Variants in KCNH1 observed in about 807,000 individuals in gnomAD.
The protein encoded by KCNH1 is potassium voltage-gated channel subfamily H member 1.
Under a neutral mutation model 69.2 loss-of-function variants are expected in KCNH1, and 27 were observed. The ratio of observed to expected loss-of-function variants is 0.39; its 90% confidence interval spans 0.29 to 0.54. The LOEUF (loss-of-function observed/expected upper bound fraction) is 0.54. Among genes scored for constraint, KCNH1 ranks in the 20% least tolerant of loss-of-function variants. The pLI is 0.68. For synonymous variants in KCNH1, 456 were observed against 487.7 expected (o/e 0.93, Z 0.86); for missense variants, 798 against 1,261.6 (o/e 0.63, Z 5.57).
At chr1:210,837,413 TC>T (rs1685306525) in intron 7 of KCNH1, among the ~76,000 whole-genome samples, 1 of 152,318 alleles carries the variant, frequency 6.6e-6, no homozygotes, top group East Asian at 1.9e-4. Flanking sequence ...ACGTTCATTA[TC>T]TTTGTTATCA....
intron 1 of KCNH1, among the ~76,000 whole-genome samples, chr1:211,115,520 G>C (rs1213220835): frequency 6.6e-6 from 1 of 151,702 alleles, no homozygotes; most frequent in East Asian, 1.9e-4. Flanking sequence ...ACGTAAAAAG[G>C]CAAGACTGCT....
chr1:210,933,235 T>TTGGAAAA lies in KCNH1; in HGVS notation c.1033-13167_1033-13166insTTTTCCA, dbSNP rs545410881. 4.0e-4 allele frequency among the ~76,000 whole-genome samples: 60 copies of TTGGAAAA among 151,824 alleles called. 2 individuals carry two copies. The East Asian group carries it at 0.01, about 26-fold the overall frequency. The stretch of plus-strand genomic sequence containing the variant: ...GTAGGGACATGGATGAAATTGGAAA[T>TTGGAAAA]CATCATTCTCAGTAAACTATCGCAA... On this transcript the variant is annotated intron_variant, in intron 6 of 10. Transcript: ENST00000271751.
At chr1:210,925,464 C>A (rs1052715012) in intron 6 of KCNH1, among the ~76,000 whole-genome samples, 2 of 152,230 alleles carry the variant, frequency 1.3e-5, no homozygotes, top group South Asian at 2.1e-4. Flanking sequence ...GGGAGGCTCA[C>A]GGCCTCAGGC....
intron 5 of KCNH1, among the ~76,000 whole-genome samples, chr1:211,070,815 C>T (rs1690628898): frequency 7.4e-6 from 1 of 134,406 alleles, no homozygotes; most frequent in Non-Finnish European, 1.6e-5. Flanking sequence ...GAGCGAGACT[C>T]CATCTCAAAA....
intron 7 of KCNH1, chr1:210,859,701 C>A (rs775608950): frequency 8.1e-7 from 1 of 1,237,048 alleles, no homozygotes; most frequent in South Asian, 1.2e-5. Flanking sequence ...TAAAAGCTGG[C>A]AAAATCTGTC....
At chr1:210,694,953 C>G (rs1048240462) in intron 10 of KCNH1, among the ~76,000 whole-genome samples, 1 of 152,220 alleles carries the variant, frequency 6.6e-6, no homozygotes, top group Admixed American at 6.5e-5. Context: ...ATCTGGGAAA[C>G]AGCTGTATTT....
chr1:210,832,907 C>CATACATATATATAT (rs1553349178), intron 7 of KCNH1, among the ~76,000 whole-genome samples: 2 of 110,638 alleles, frequency 1.8e-5, no homozygotes, highest in African/African-American at 5.6e-5. Flanking sequence ...TTCTCAAATA[C>CATACATATATATAT]ATATATATAT....
intron 9 of KCNH1, among the ~76,000 whole-genome samples, chr1:210,790,610 A>C (rs1330065712): frequency 6.6e-6 from 1 of 152,246 alleles, no homozygotes; most frequent in Non-Finnish European, 1.5e-5. Context: ...CATTTGGGTA[A>C]AATTTATACT....
intron 5 of KCNH1, among the ~76,000 whole-genome samples, chr1:211,033,182 T>C (rs1373372083): frequency 5.3e-5 from 8 of 152,130 alleles, no homozygotes; most frequent in Non-Finnish European, 8.8e-5. Context: ...CACTGGCCAT[T>C]GGAGAAATGC....
At chr1:210,975,457 C>T (rs1688589836) in intron 6 of KCNH1, among the ~76,000 whole-genome samples, 1 of 152,102 alleles carries the variant, frequency 6.6e-6, no homozygotes, top group Admixed American at 6.6e-5. Flanking sequence ...CATCTACAAC[C>T]ATCTGATCTT....
chr1:211,077,229 G>T (rs765497981), intron 5 of KCNH1, among the ~76,000 whole-genome samples: 4 of 152,094 alleles, frequency 2.6e-5, no homozygotes, highest in African/African-American at 4.8e-5. Context: ...AGCGAGACAG[G>T]CCAACATTCA....
At chr1:210,877,256 G>A (rs1027087384) in intron 7 of KCNH1, among the ~76,000 whole-genome samples, 1 of 152,078 alleles carries the variant, frequency 6.6e-6, no homozygotes, top group Non-Finnish European at 1.5e-5. Context: ...AATAGAGCAG[G>A]GACGTAAGTG....
At chr1:210,696,779 A>G (rs1681651531) in intron 10 of KCNH1, among the ~76,000 whole-genome samples, 1 of 152,188 alleles carries the variant, frequency 6.6e-6, no homozygotes, top group South Asian at 2.1e-4. Context: ...TCTCATTCAG[A>G]GGATCTGCTG....
chr1:210,970,901 T>C (rs1688500281), intron 6 of KCNH1, among the ~76,000 whole-genome samples: 1 of 152,140 alleles, frequency 6.6e-6, no homozygotes, highest in Non-Finnish European at 1.5e-5. Flanking sequence ...GACAAAGGTC[T>C]AATATCCAGA....
intron 6 of KCNH1, among the ~76,000 whole-genome samples, chr1:210,921,522 C>A (rs17267269): frequency 6.6e-6 from 1 of 152,146 alleles, no homozygotes; most frequent in Non-Finnish European, 1.5e-5. Flanking sequence ...TGTACACAAG[C>A]TTTTTGATGA....
intron 10 of KCNH1, among the ~76,000 whole-genome samples, chr1:210,699,968 TC>T (rs36112570): frequency 6.6e-6 from 1 of 152,124 alleles, no homozygotes; most frequent in African/African-American, 2.4e-5. Context: ...CAGTGGCAAC[TC>T]CCAGGTATTA....
At chr1:210,832,907 C>CATATATATATCTATATATATATATATAT (rs1685191497) in intron 7 of KCNH1, among the ~76,000 whole-genome samples, 1 of 110,638 alleles carries the variant, frequency 9.0e-6, no homozygotes, top group African/African-American at 2.8e-5. Flanking sequence ...TTCTCAAATA[C>CATATATATATCTATATATATATATATAT]ATATATATAT....
intron 7 of KCNH1, among the ~76,000 whole-genome samples, chr1:210,863,427 G>A (rs1341886250): frequency 6.6e-6 from 1 of 152,214 alleles, no homozygotes; most frequent in Non-Finnish European, 1.5e-5. Context: ...AATCTGGGAA[G>A]ATGGCTGAAG....
intron 5 of KCNH1, among the ~76,000 whole-genome samples, chr1:211,044,281 C>A (rs1182480188): frequency 6.6e-6 from 1 of 152,132 alleles, no homozygotes; most frequent in African/African-American, 2.4e-5. Context: ...ATCAGTAGCT[C>A]TTCTGTACAC....
Sources: allele counts gnomAD v4.1 joint callset (sites outside exome capture counted in the v4.1 genomes callset), GRCh38; gene constraint gnomAD v4.1.1; transcripts MANE v1.5; gene names NCBI Gene and HGNC (gene_info 2026-07-23, HGNC 2026-07-21).